CENPP: variants seen among roughly 807,000 people sequenced by gnomAD.
CENPP encodes the protein centromere protein P.
A neutral mutation model predicts 35.6 loss-of-function variants in CENPP; 24 were observed. The ratio of observed to expected loss-of-function variants is 0.67; its 90% CI spans 0.49 to 0.95. The LOEUF (loss-of-function observed/expected upper bound fraction) is 0.95, where lower values mean the gene tolerates loss of function less well. CENPP is among the 40% of genes least tolerant of loss of function. CENPP has a pLI of 0.00. For synonymous variants in CENPP, 120 were observed against 125.5 expected, an observed-to-expected ratio of 0.96 and a Z score of 0.29; for missense variants, 332 against 345.3, an observed-to-expected ratio of 0.96 and a Z score of 0.31.
intron 5 of CENPP, among the ~76,000 whole-genome samples, chr9:92,524,567 C>G (rs1313952785): frequency 6.6e-6 from 1 of 152,144 alleles, no homozygotes; most frequent in Non-Finnish European, 1.5e-5. Context: ...AGCTGAGAAA[C>G]ACACACATAC....
chr9:92,551,952 T>TGA (rs1491382384), intron 5 of CENPP, among the ~76,000 whole-genome samples: 1 of 113,858 alleles, frequency 8.8e-6, no homozygotes, highest in Non-Finnish European at 1.8e-5. Context: ...TATATATATA[T>TGA]GATATATATA....
At chr9:92,591,332 T>C (rs1358619378) in intron 5 of CENPP, among the ~76,000 whole-genome samples, 1 of 151,828 alleles carries the variant, frequency 6.6e-6, no homozygotes. Flanking sequence ...GGCAGGAGAA[T>C]GGCATGAACC....
intron 5 of CENPP, among the ~76,000 whole-genome samples, chr9:92,401,880 C>CT (rs1378055011): frequency 6.6e-6 from 1 of 152,086 alleles, no homozygotes; most frequent in Non-Finnish European, 1.5e-5. Context: ...TCTTTCTGTC[C>CT]TTTGTAAGCA....
chr9:92,588,352 A>T (rs1368876656), intron 5 of CENPP, among the ~76,000 whole-genome samples: 1 of 150,922 alleles, frequency 6.6e-6, no homozygotes, highest in Non-Finnish European at 1.5e-5. Flanking sequence ...GGTTCACACC[A>T]TTCTCCTGCC....
chr9:92,444,678 C>G (rs1844506630), intron 5 of CENPP, among the ~76,000 whole-genome samples: 2 of 152,152 alleles, frequency 1.3e-5, no homozygotes, highest in African/African-American at 4.8e-5. Context: ...AATGTATTGT[C>G]CCAGCACCAT....
intron 4 of CENPP, among the ~76,000 whole-genome samples, chr9:92,363,294 T>C (rs1200751403): frequency 2.0e-5 from 3 of 152,202 alleles, no homozygotes; most frequent in Non-Finnish European, 4.4e-5. Context: ...ATAATATTCA[T>C]GTGCACAAAT....
At position 92,618,556 on chromosome 9, in the gene CENPP, G is replaced by A. The variant is rs543596354; in HGVS notation, c.*5407G>A. 7.4e-4 allele frequency: 337 copies of A among 456,674 alleles called. 5 individuals are homozygous for A. Among genetic ancestry groups the A allele is most frequent in the South Asian group, 4.4e-3 (287 of 64,570 alleles). The allele number at this position is 456,674 out of a possible 1,614,324, so 28.3% of individuals were successfully genotyped here. ...GGGGCTGCTGAACAGTGGTATCTTC[G>A]TGGGTTTTCTCTCATCGAACACCAC... is the stretch of plus-strand genomic sequence containing the variant. On this transcript the variant is annotated 3_prime_UTR_variant, in exon 8 of 8. Transcript: ENST00000375587.
chr9:92,515,234 G>A, intron 5 of CENPP: 1 of 1,472,928 alleles, frequency 6.8e-7, no homozygotes, highest in South Asian at 1.6e-5. Context: ...AGGTAGCAGA[G>A]ATAAGTTGAT....
intron 1 of CENPP, among the ~76,000 whole-genome samples, chr9:92,327,681 G>T (rs1245197381): frequency 1.3e-5 from 2 of 152,178 alleles, no homozygotes; most frequent in East Asian, 1.9e-4. Context: ...CTTATCAAAA[G>T]AAAATTTTTG....
intron 5 of CENPP, among the ~76,000 whole-genome samples, chr9:92,574,045 A>G (rs10992374): frequency 1.3e-5 from 2 of 151,886 alleles, no homozygotes; most frequent in African/African-American, 4.8e-5. Flanking sequence ...CCTTGCACTT[A>G]CCAGGTGAGG....
intron 5 of CENPP, among the ~76,000 whole-genome samples, chr9:92,419,374 C>A (rs1454485549): frequency 6.8e-6 from 1 of 147,622 alleles, no homozygotes; most frequent in Middle Eastern, 3.6e-3. Flanking sequence ...GATCTCGGCT[C>A]ACTGCAGCCA....
chr9:92,393,121 A>G, intron 5 of CENPP: 1 of 1,613,574 alleles, frequency 6.2e-7, no homozygotes, highest in Non-Finnish European at 8.5e-7. Context: ...CAGCTTTTTA[A>G]TTTTGTTGAA....
intron 5 of CENPP, among the ~76,000 whole-genome samples, chr9:92,539,389 T>C (rs927585094): frequency 4.1e-5 from 5 of 121,082 alleles, no homozygotes; most frequent in Non-Finnish European, 6.4e-5. Flanking sequence ...AAGAAGTAGA[T>C]TGAAGCCAGT....
At chr9:92,363,750 T>C (rs1841819851) in intron 4 of CENPP, among the ~76,000 whole-genome samples, 1 of 152,244 alleles carries the variant, frequency 6.6e-6, no homozygotes, top group Non-Finnish European at 1.5e-5. Flanking sequence ...TACTATCATT[T>C]CACATTTCTA....
chr9:92,594,162 T>A (rs1850723972), intron 5 of CENPP, among the ~76,000 whole-genome samples: 1 of 152,206 alleles, frequency 6.6e-6, no homozygotes, highest in Non-Finnish European at 1.5e-5. Context: ...TAAACTGTTT[T>A]AAAAAGTAGT....
chr9:92,607,384 T>C (rs529852456), intron 5 of CENPP, among the ~76,000 whole-genome samples: 2 of 152,180 alleles, frequency 1.3e-5, no homozygotes, highest in African/African-American at 4.8e-5. Context: ...GAAAGTAGCC[T>C]GGTGGTTGCT....
chr9:92,362,646 T>C (rs138031139), intron 4 of CENPP, among the ~76,000 whole-genome samples: 16 of 152,350 alleles, frequency 1.1e-4, no homozygotes, highest in African/African-American at 3.8e-4. Flanking sequence ...GGGGACAGAC[T>C]TGATGACCAC....
chr9:92,487,457 A>G (rs1846086460), intron 5 of CENPP, among the ~76,000 whole-genome samples: 1 of 152,222 alleles, frequency 6.6e-6, no homozygotes, highest in Non-Finnish European at 1.5e-5. Flanking sequence ...ACAATACTAA[A>G]TCCTTTTTAT....
At chr9:92,522,664 G>A (rs1310721631) in intron 5 of CENPP, 1 of 1,614,034 alleles carries the variant, frequency 6.2e-7, no homozygotes, top group East Asian at 2.2e-5. Flanking sequence ...GTTAACAATA[G>A]GAAGTCTTGC....
Sources: allele counts gnomAD v4.1 joint callset (sites outside exome capture counted in the v4.1 genomes callset), GRCh38; gene constraint gnomAD v4.1.1; transcripts MANE v1.5; gene names NCBI Gene and HGNC (gene_info 2026-07-23, HGNC 2026-07-21).